The following TENM2 variants were observed in gnomAD, a reference collection of about 807,000 sequenced individuals.
TENM2 encodes the protein teneurin transmembrane protein 2, also known as teneurin-2.
In TENM2, 52 loss-of-function variants were observed where a neutral mutation model predicts 245.2. The ratio of observed to expected loss-of-function variants is 0.21; its 90% CI spans 0.17 to 0.27. The LOEUF (loss-of-function observed/expected upper bound fraction) is 0.27, where lower values mean the gene tolerates loss of function less well. Ranked by LOEUF, TENM2 falls within the 10% of genes least tolerant of loss-of-function variation. TENM2 has a pLI of 1.00. For missense variants in TENM2, 3,046 were observed against 3,666.8 expected (o/e 0.83, Z 4.37); for synonymous variants, 1,363 against 1,438.9 (o/e 0.95, Z 1.19).
the TENM2 span, among the ~76,000 whole-genome samples, chr5:167,278,356 T>C: frequency 6.6e-6 from 1 of 152,208 alleles, no homozygotes; most frequent in African/African-American, 2.4e-5. Flanking sequence ...AGATGGGTCA[T>C]GTTTTTAATT....
At chr5:167,025,813 C>G in the TENM2 span, among the ~76,000 whole-genome samples, 10 of 152,108 alleles carry the variant, frequency 6.6e-5, no homozygotes, top group Non-Finnish European at 1.2e-4. Context: ...GATAGTATGT[C>G]AAGTTCCTAG....
chr5:167,465,596 G>A (rs996931502), intron 2 of TENM2, among the ~76,000 whole-genome samples: 1 of 152,214 alleles, frequency 6.6e-6, no homozygotes, highest in Non-Finnish European at 1.5e-5. Flanking sequence ...TTGGGAGGCC[G>A]AGGCAGGCGG....
At chr5:167,950,044 G>A (rs915015806) in intron 3 of TENM2, among the ~76,000 whole-genome samples, 1 of 152,148 alleles carries the variant, frequency 6.6e-6, no homozygotes, top group Non-Finnish European at 1.5e-5. Context: ...GGAGGGCTGG[G>A]TGAGCGGAGA....
chr5:167,950,148 G>A (rs567684975), intron 3 of TENM2, among the ~76,000 whole-genome samples: 16 of 152,264 alleles, frequency 1.1e-4, no homozygotes, highest in Middle Eastern at 6.8e-3. Context: ...AAGAGAACTT[G>A]ACCTCTCTTC....
At chr5:167,122,340 T>C in the TENM2 span, among the ~76,000 whole-genome samples, 4 of 152,174 alleles carry the variant, frequency 2.6e-5, no homozygotes, top group African/African-American at 9.6e-5. Context: ...CCCTGCATAT[T>C]TCCTGCTAGG....
At chr5:167,173,751 T>C in the TENM2 span, among the ~76,000 whole-genome samples, 1 of 151,502 alleles carries the variant, frequency 6.6e-6, no homozygotes, top group Non-Finnish European at 1.5e-5. Context: ...GTGTGTAGGG[T>C]GTACTTAGGT....
Position 167,544,692 on chromosome 5 carries a change from A to G in TENM2, c.502+169219A>G, listed in dbSNP as rs139445596. 5.2e-3 allele frequency among the ~76,000 whole-genome samples: 785 copies of G among 152,292 alleles called. 13 individuals carry two copies. The highest frequency in any genetic ancestry group is 0.018 in the African/African-American group (731 of 41,554). On this transcript the variant is annotated intron_variant, in intron 2 of 28. Coordinates refer to ENST00000518659, the Ensembl canonical transcript of TENM2. ...TCATCATTCACGCTTTCATTCAACA[A>G]ATGTGTACTGGGTGCCCCTCCTGGG...
At chr5:167,436,592 C>T (rs539657149) in intron 2 of TENM2, among the ~76,000 whole-genome samples, 16 of 152,098 alleles carry the variant, frequency 1.1e-4, no homozygotes, top group East Asian at 3.9e-4. Flanking sequence ...TCCAAGGCAA[C>T]GGGGAAAGTG....
At chr5:168,143,839 ACTT>A (rs1476097179) in intron 12 of TENM2, among the ~76,000 whole-genome samples, 50 of 101,262 alleles carry the variant, frequency 4.9e-4, no homozygotes, top group Non-Finnish European at 8.4e-4. Context: ...TGTCTACTAC[ACTT>A]CTTTTTTTTT....
intron 27 of TENM2, among the ~76,000 whole-genome samples, chr5:168,253,710 C>T (rs1767377526): frequency 6.6e-6 from 1 of 152,210 alleles, no homozygotes; most frequent in Admixed American, 6.5e-5. Flanking sequence ...CAGGCGTGAG[C>T]CACCGCGCCT....
chr5:167,891,198 G>A (rs1333545602), intron 3 of TENM2, among the ~76,000 whole-genome samples: 3 of 152,170 alleles, frequency 2.0e-5, no homozygotes, highest in Admixed American at 2.0e-4. Context: ...TACTCTCAAT[G>A]ATGTATTTGT....
chr5:167,159,853 A>G, the TENM2 span, among the ~76,000 whole-genome samples: 3 of 152,304 alleles, frequency 2.0e-5, no homozygotes, highest in Non-Finnish European at 4.4e-5. Flanking sequence ...CCCACTTGTC[A>G]TTGGAGATGA....
intron 3 of TENM2, among the ~76,000 whole-genome samples, chr5:167,917,061 C>T (rs1031799331): frequency 6.6e-6 from 1 of 152,084 alleles, no homozygotes; most frequent in Non-Finnish European, 1.5e-5. Context: ...CAGGGAAAGG[C>T]CTTTGTTTGA....
intron 2 of TENM2, among the ~76,000 whole-genome samples, chr5:167,518,186 A>G (rs1212662846): frequency 6.6e-6 from 1 of 151,996 alleles, no homozygotes; most frequent in Non-Finnish European, 1.5e-5. Context: ...TAATAGTTTA[A>G]GTTCATTTGT....
chr5:168,254,917 C>T (rs147203441), intron 27 of TENM2, among the ~76,000 whole-genome samples: 4,054 of 151,976 alleles, frequency 0.027, 92 homozygotes, highest in Non-Finnish European at 0.041. Flanking sequence ...CATGGTGGTG[C>T]GTGCCTGTGA....
chr5:167,074,846 C>T, the TENM2 span, among the ~76,000 whole-genome samples: 1 of 152,104 alleles, frequency 6.6e-6, no homozygotes, highest in South Asian at 2.1e-4. Context: ...GCTCAGCACA[C>T]CTTACCCTTC....
chr5:167,279,866 A>T (rs1360727383), upstream of TENM2, among the ~76,000 whole-genome samples: 1 of 152,174 alleles, frequency 6.6e-6, no homozygotes, highest in African/African-American at 2.4e-5. Context: ...ATATCAGATA[A>T]TGCTGACATC....
chr5:167,453,763 C>A (rs938024624), intron 2 of TENM2, among the ~76,000 whole-genome samples: 5 of 152,136 alleles, frequency 3.3e-5, no homozygotes, highest in Admixed American at 6.5e-5. Flanking sequence ...GTGTAAACAT[C>A]AACTCAGTTA....
rs569918995 is a variant in TENM2 at position 167,439,041 on chromosome 5, G to A, written c.502+63568G>A. Reference sequence around the variant, plus strand: ...ACTCCTGACCTCAGGTGATCCACCCGCCTCAGCCTCTCAAAGTGCTGGGAT... The same window carrying A: ...ACTCCTGACCTCAGGTGATCCACCCACCTCAGCCTCTCAAAGTGCTGGGAT... On this transcript the variant is annotated intron_variant, in intron 2 of 28. Transcript: ENST00000518659. Among the ~76,000 whole-genome samples the A allele has an allele frequency of 7.2e-5, 11 of 152,008 alleles. No individual in the cohort carries two copies. In the East Asian group the frequency reaches 1.8e-3, roughly 24 times the overall value.
Sources: gnomAD v4.1 joint callset for allele counts (sites outside exome capture counted in the v4.1 genomes callset) on GRCh38, gnomAD v4.1.1 for gene constraint, MANE v1.5 for transcripts, NCBI Gene and HGNC (gene_info 2026-07-23, HGNC 2026-07-21) for gene names.